The following ARID1B variants were observed in gnomAD, a reference collection of about 807,000 sequenced individuals.
The protein encoded by ARID1B is AT-rich interactive domain-containing protein 1B.
A neutral mutation model predicts 212.3 loss-of-function variants in ARID1B; 30 were observed. The ratio of observed to expected loss-of-function variants is 0.14; its 90% confidence interval spans 0.11 to 0.19. The LOEUF (loss-of-function observed/expected upper bound fraction) is 0.19, where lower values mean the gene tolerates loss of function less well. Among genes scored for constraint, ARID1B ranks in the 10% least tolerant of loss-of-function variants. ARID1B has a pLI of 1.00. For missense variants in ARID1B, 2,891 were observed against 3,204.0 expected (o/e 0.90, Z 2.36); for synonymous variants, 1,402 against 1,301.7 (o/e 1.08, Z -1.66).
intron 4 of ARID1B, among the ~76,000 whole-genome samples, chr6:156,956,755 A>G (rs528359832): frequency 2.6e-5 from 4 of 152,274 alleles, no homozygotes; most frequent in Admixed American, 1.3e-4. Context: ...GTCCAGTAGA[A>G]CTTTCTGCAG....
At chr6:156,920,345 T>C (rs910621396) in intron 3 of ARID1B, among the ~76,000 whole-genome samples, 1 of 152,234 alleles carries the variant, frequency 6.6e-6, no homozygotes, top group African/African-American at 2.4e-5. Flanking sequence ...TTCCTTGATA[T>C]TTATATTCTG....
intron 9 of ARID1B, chr6:157,169,684 A>T (rs1791581208): frequency 6.6e-6 from 1 of 152,224 alleles, no homozygotes; most frequent in African/African-American, 2.4e-5. Context: ...TTCATTAGTC[A>T]TTTGCACTTG....
rs548152924 is a variant in ARID1B at position 156,854,967 on chromosome 6, T to C, written c.1986+25546T>C. Among the ~76,000 whole-genome samples, 496 of 152,366 alleles carry C rather than the reference T, an allele frequency of 3.3e-3. 2 individuals carry two copies. The highest frequency in any genetic ancestry group is 0.011 in the African/African-American group (472 of 41,590). ...CTTCCAGTCAATTACTAGGCAGTTTTTGTCCACTTGGGCTGTTTGATAAGG... is the reference window on the plus strand; with the variant it reads ...CTTCCAGTCAATTACTAGGCAGTTTCTGTCCACTTGGGCTGTTTGATAAGG... On this transcript the variant is annotated intron_variant, in intron 2 of 19. Transcript: ENST00000636930.
intron 4 of ARID1B, among the ~76,000 whole-genome samples, chr6:156,956,749 A>G (rs1794006181): frequency 6.6e-6 from 1 of 152,246 alleles, no homozygotes; most frequent in South Asian, 2.1e-4. Context: ...AGCACTGTCC[A>G]GTAGAACTTT....
At position 157,189,721 on chromosome 6, in the gene ARID1B, G is replaced by A; in HGVS notation, c.3999G>A (p.Leu1333=). 1 of 1,614,034 alleles carries A rather than the reference G, an allele frequency of 6.2e-7. No individual in the cohort carries two copies. The highest frequency in any genetic ancestry group is 1.3e-5 in the African/African-American group (1 of 75,050). The stretch of plus-strand genomic sequence containing the variant: ...CCATGGCAGAGGTTCCAGGTGACCT[G>A]AAGCCACCTACCCCAGCCTCCACCC... ...SNSMAEVPGD[L]KPPTPASTPH... Residue 1333 remains leucine (L), a synonymous_variant, in exon 14 of 20, where the codon CTG becomes CTA. Coordinates refer to ENST00000636930, the MANE Select transcript of ARID1B (RefSeq NM_001374828.1).
intron 1 of ARID1B, among the ~76,000 whole-genome samples, chr6:156,803,923 G>C (rs185544208): frequency 1.3e-5 from 2 of 152,222 alleles, no homozygotes; most frequent in Admixed American, 1.3e-4. Context: ...ATTAGTTGAG[G>C]TGTGTAAAGC....
At chr6:156,790,987 GAGAA>G (rs547180969) in intron 1 of ARID1B, among the ~76,000 whole-genome samples, 29 of 152,228 alleles carry the variant, frequency 1.9e-4, no homozygotes, top group Non-Finnish European at 3.7e-4. Flanking sequence ...TATTATTAGT[GAGAA>G]AGAGAAGAAT....
chr6:157,182,270 T>A (rs1792602139), intron 12 of ARID1B, among the ~76,000 whole-genome samples: 1 of 152,262 alleles, frequency 6.6e-6, no homozygotes, highest in South Asian at 2.1e-4. Context: ...ATATATTTTT[T>A]AAAAAATAGA....
chr6:157,106,145 G>A (rs1274890104), intron 5 of ARID1B, among the ~76,000 whole-genome samples: 1 of 152,124 alleles, frequency 6.6e-6, no homozygotes, highest in Non-Finnish European at 1.5e-5. Context: ...ACACAGGAGA[G>A]TGTTGAGTAA....
At chr6:156,860,019 C>T (rs1331030708) in intron 2 of ARID1B, among the ~76,000 whole-genome samples, 1 of 152,094 alleles carries the variant, frequency 6.6e-6, no homozygotes, top group East Asian at 1.9e-4. Context: ...ATCTGATAAA[C>T]CATGAAAGTG....
intron 7 of ARID1B, among the ~76,000 whole-genome samples, chr6:157,142,451 C>A (rs1023125743): frequency 6.6e-6 from 1 of 152,142 alleles, no homozygotes; most frequent in African/African-American, 2.4e-5. Flanking sequence ...CATGACAAAA[C>A]CCTGTGTCTA....
At chr6:157,152,040 G>C (rs1322583622) in intron 8 of ARID1B, 1 of 152,182 alleles carries the variant, frequency 6.6e-6, no homozygotes, top group Non-Finnish European at 1.5e-5. Context: ...GGTTATTCTT[G>C]GGAAATTGGC....
intron 1 of ARID1B, among the ~76,000 whole-genome samples, chr6:156,827,751 ATTCTTTTTTT>A: frequency 8.7e-6 from 1 of 115,296 alleles, no homozygotes; most frequent in African/African-American, 3.2e-5. Context: ...TATCCTGGTA[ATTCTTTTTTT>A]TTTTTTTTTT....
At chr6:156,896,869 C>T (rs1292947165) in intron 2 of ARID1B, among the ~76,000 whole-genome samples, 1 of 152,144 alleles carries the variant, frequency 6.6e-6, no homozygotes, top group Non-Finnish European at 1.5e-5. Context: ...CAGAGCGAGA[C>T]TCCACCTCAA....
At chr6:156,892,831 T>G (rs74365629) in intron 2 of ARID1B, among the ~76,000 whole-genome samples, 1 of 152,174 alleles carries the variant, frequency 6.6e-6, no homozygotes, top group African/African-American at 2.4e-5. Flanking sequence ...TAGTTCTTGA[T>G]GGATGTGTAA....
intron 6 of ARID1B, among the ~76,000 whole-genome samples, chr6:157,123,223 TC>T (rs1192105217): frequency 8.4e-5 from 2 of 23,848 alleles, no homozygotes; most frequent in Non-Finnish European, 8.1e-5. Flanking sequence ...TTTCTTTCTC[TC>T]CCCCCCGCCC....
At position 156,777,721 on chromosome 6, in the gene ARID1B, CGCGGGCGCG is replaced by C. The variant is rs1425288112; in HGVS notation, c.43_51del (p.Arg15_Arg17del). On this transcript the variant is annotated inframe_deletion, in exon 1 of 20. Transcript: ENST00000636930. ...GCAGCGGCGGCGGCGGCGGCGGCGG[CGCGGGCGCG>C]GGCGCGGGCAGGCAGCGGCGAACGG... is the stretch of plus-strand genomic sequence containing the variant. 1.2e-4 allele frequency: 20 copies of C among 166,918 alleles called. No homozygotes were observed. The highest frequency in any genetic ancestry group is 2.1e-4 in the Non-Finnish European group (18 of 85,928). 10.3% of individuals were successfully genotyped at this position (166,918 alleles called of 1,614,324 possible).
intron 4 of ARID1B, among the ~76,000 whole-genome samples, chr6:156,958,205 A>G (rs1448279359): frequency 6.6e-6 from 1 of 152,140 alleles, no homozygotes; most frequent in African/African-American, 2.4e-5. Flanking sequence ...TTAAAGACTA[A>G]CTTGTTTTCT....
intron 4 of ARID1B, among the ~76,000 whole-genome samples, chr6:157,011,093 A>G (rs1779577986): frequency 1.3e-5 from 2 of 152,014 alleles, no homozygotes; most frequent in Non-Finnish European, 2.9e-5. Context: ...TGAATGGAGA[A>G]AGCATTCTGT....
Sources: gnomAD v4.1 joint callset for allele counts (sites outside exome capture counted in the v4.1 genomes callset) on GRCh38, gnomAD v4.1.1 for gene constraint, MANE v1.5 for transcripts, NCBI Gene and HGNC (gene_info 2026-07-23, HGNC 2026-07-21) for gene names.